Variants in DMXL1 observed in about 807,000 individuals in gnomAD.
The protein encoded by DMXL1 is dmX-like protein 1.
In DMXL1, 99 loss-of-function variants were observed where a neutral mutation model predicts 319.2. That is an observed-to-expected ratio of 0.31 (90% CI 0.26 to 0.37). DMXL1 has a LOEUF of 0.37. DMXL1 is among the 10% of genes least tolerant of loss of function. The pLI is 1.00. For synonymous variants in DMXL1, 1,385 were observed against 1,235.2 expected, an observed-to-expected ratio of 1.12 and a Z score of -2.54; for missense variants, 3,745 against 3,595.6, an observed-to-expected ratio of 1.04 and a Z score of -1.06.
In DMXL1 at chr5:119,189,788, C is replaced by G. The variant is rs1173420358; in HGVS notation, c.7216C>G (p.Leu2406Val). 4 of 1,614,052 alleles carry G rather than the reference C, an allele frequency of 2.5e-6. No individual in the cohort carries two copies. ...AATGTCTTGCAGAGAATCTGCCCCA[C>G]TGACCCCTTCCTCGGCACCAGTAAG... ...SKMSCRESAPLTPSSAPVSQE... is the reference protein window; with the variant it reads ...SKMSCRESAPVTPSSAPVSQE... Residue 2406 changes from leucine (L) to valine (V), a missense_variant, in exon 29 of 44, where the codon CTG (leucine) becomes GTG (valine). Coordinates refer to ENST00000539542, the MANE Select transcript of DMXL1 (RefSeq NM_001290321.3).
At position 119,133,604 on chromosome 5, in the gene DMXL1, G is replaced by T; in HGVS notation, c.1680G>T (p.Gln560His). The change falls in exon 12 of 44, where the codon CAG (glutamine) becomes CAT (histidine). Residue 560 changes from glutamine (Q) to histidine (H), a missense_variant. Physicochemically the swap from Gln to His is conservative, Grantham distance 24 (BLOSUM62 0). Coordinates refer to ENST00000539542, the MANE Select transcript of DMXL1 (RefSeq NM_001290321.3). ...ACTKNVDLAIQQGKQKPSGLT... is the reference protein window; with the variant it reads ...ACTKNVDLAIHQGKQKPSGLT... ...CCAAGAATGTTGACTTGGCTATTCA[G>T]CAGGGGAAACAAAAACCTTCTGGCC... 6.2e-7 allele frequency: 1 copy of T among 1,614,154 alleles called. No homozygotes were observed.
At chr5:119,175,825 T>C (rs573725653) in intron 26 of DMXL1, among the ~76,000 whole-genome samples, 78 of 152,236 alleles carry the variant, frequency 5.1e-4, no homozygotes, top group African/African-American at 1.4e-3. Context: ...TATTTCTCTT[T>C]ATGTTATAAA....
chr5:119,168,255 TAAG>T lies in DMXL1; in HGVS notation c.5398+394_5398+396del, dbSNP rs975368845. On this transcript the variant is annotated intron_variant, in intron 23 of 43. Coordinates refer to ENST00000539542, the MANE Select transcript of DMXL1 (RefSeq NM_001290321.3). ...AAACAAGTTGACTTAAGTGATGTGA[TAAG>T]AAAATCTTTAGCTAGATGAACTTTT... 3.3e-5 allele frequency among the ~76,000 whole-genome samples: 5 copies of T among 152,334 alleles called. No individual in the cohort carries two copies. The East Asian group carries it at 9.6e-4, about 29-fold the overall frequency.
chr5:119,164,250 AGC>A (rs1772931371), intron 19 of DMXL1, among the ~76,000 whole-genome samples: 1 of 152,204 alleles, frequency 6.6e-6, no homozygotes, highest in Non-Finnish European at 1.5e-5. Context: ...GAAATACATC[AGC>A]ACAGTGGAAT....
rs927703022 is a variant in DMXL1, at chr5:119,170,084, A to G, written c.5399-106A>G. The G allele has an allele frequency of 2.4e-6, 3 of 1,254,678 alleles. No homozygotes were observed. In the African/African-American group the frequency reaches 4.5e-5, roughly 19 times the overall value. The allele number at this position is 1,254,678 out of a possible 1,614,324, so 77.7% of individuals were successfully genotyped here. ...TGTGGCCTATTAGTAAAATTTTGTC[A>G]AAAGACTCTTTAGATAAAGGTGTCA... On this transcript the variant is annotated intron_variant, in intron 23 of 43. Coordinates refer to ENST00000539542, the MANE Select transcript of DMXL1 (RefSeq NM_001290321.3).
chr5:119,092,586 C>T (rs958013080), intron 1 of DMXL1, among the ~76,000 whole-genome samples: 2 of 152,164 alleles, frequency 1.3e-5, no homozygotes, highest in African/African-American at 4.8e-5. Context: ...TTACCACAAT[C>T]TGATTATAGA....
rs140821440 is a variant in DMXL1 at position 119,215,676 on chromosome 5, G to C, written c.7927-1225G>C. Among the ~76,000 whole-genome samples the C allele has an allele frequency of 5.3e-3, 812 of 152,158 alleles. 5 individuals carry two copies. Among genetic ancestry groups the C allele is most frequent in the African/African-American group, 0.018 (756 of 41,510 alleles). ...CACTGCATATTCTGATCCATTCTGT[G>C]GTCAATGGCCGGGCATTGGTGATAT... On this transcript the variant is annotated intron_variant, in intron 34 of 43. Coordinates refer to ENST00000539542, the MANE Select transcript of DMXL1 (RefSeq NM_001290321.3).
At chr5:119,193,692 A>G (rs933631987) in intron 29 of DMXL1, 136 bp from the exon 30 acceptor site, 34 of 857,864 alleles carry the variant, frequency 4.0e-5, no homozygotes, top group South Asian at 3.0e-4. Flanking sequence ...AAGGCATAGG[A>G]TGGTAAGATA....
chr5:119,236,354 GTCTA>G (rs1455958038), intron 39 of DMXL1: 2 of 151,942 alleles, frequency 1.3e-5, no homozygotes, highest in Non-Finnish European at 2.9e-5. Context: ...ATTTCTAGAT[GTCTA>G]TCCTACATAA....
intron 1 of DMXL1, among the ~76,000 whole-genome samples, chr5:119,091,964 T>C (rs1393917323): frequency 6.6e-6 from 1 of 152,198 alleles, no homozygotes; most frequent in East Asian, 1.9e-4. Flanking sequence ...ATGCTTCTTA[T>C]GGGTTAGGGC....
At chr5:119,078,264 G>A (rs1751434800) in intron 1 of DMXL1, among the ~76,000 whole-genome samples, 1 of 152,050 alleles carries the variant, frequency 6.6e-6, no homozygotes. Context: ...ACAAGCCTGT[G>A]CTGCTGCACC....
intron 30 of DMXL1, among the ~76,000 whole-genome samples, chr5:119,195,830 C>A (rs1561848405): frequency 1.3e-5 from 2 of 152,072 alleles, no homozygotes; most frequent in Non-Finnish European, 2.9e-5. Context: ...TTTTAAAAAT[C>A]AAACTATATA....
At chr5:119,162,234 C>T (rs112471816) in intron 19 of DMXL1, among the ~76,000 whole-genome samples, 1 of 152,270 alleles carries the variant, frequency 6.6e-6, no homozygotes, top group African/African-American at 2.4e-5. Context: ...CTGTGGTCCT[C>T]GCAGGTGTCT....
intron 1 of DMXL1, among the ~76,000 whole-genome samples, chr5:119,082,843 T>G (rs1239194021): frequency 6.6e-6 from 1 of 152,238 alleles, no homozygotes; most frequent in Admixed American, 6.5e-5. Flanking sequence ...TTAGTTCCAA[T>G]TATTCAACTT....
At chr5:119,196,286 G>T in intron 30 of DMXL1, 85 bp from the exon 31 acceptor site, 5 of 1,005,518 alleles carry the variant, frequency 5.0e-6, no homozygotes, top group Non-Finnish European at 7.9e-6. Flanking sequence ...ATTCCTGATA[G>T]TGGAATTTGT....
At chr5:119,162,080 G>A (rs6881087) in intron 19 of DMXL1, among the ~76,000 whole-genome samples, 4,774 of 152,250 alleles carry the variant, frequency 0.031, 271 homozygotes, top group African/African-American at 0.11. Flanking sequence ...ATGTCTGACC[G>A]TGGCTTTCTT....
chr5:119,205,215 A>G (rs116741925), intron 33 of DMXL1, among the ~76,000 whole-genome samples: 12 of 152,100 alleles, frequency 7.9e-5, no homozygotes, highest in Non-Finnish European at 1.3e-4. Flanking sequence ...TACTGCCGAT[A>G]TATTTGGGTA....
Position 119,216,789 on chromosome 5 carries a change from A to G in DMXL1, c.7927-112A>G, listed in dbSNP as rs991101825. The stretch of plus-strand genomic sequence containing the variant: ...ATACAATAATACCTTTAGAATTGAA[A>G]TATCTACTTTCTTAAAATAATTTAT... On this transcript the variant is annotated intron_variant, in intron 34 of 43. Coordinates refer to ENST00000539542, the MANE Select transcript of DMXL1 (RefSeq NM_001290321.3). The G allele has an allele frequency of 4.8e-5, 32 of 665,568 alleles. 1 individual carries two copies. Among genetic ancestry groups the G allele is most frequent in the South Asian group, 3.9e-4 (21 of 53,308 alleles). 41.2% of individuals were successfully genotyped at this position (665,568 alleles called of 1,614,324 possible).
chr5:119,127,892 A>G, intron 9 of DMXL1: 1 of 355,390 alleles, frequency 2.8e-6, no homozygotes, highest in South Asian at 2.5e-5. Flanking sequence ...AATAAGTGGG[A>G]ATGATATTCA....
Sources: allele counts gnomAD v4.1 joint callset (sites outside exome capture counted in the v4.1 genomes callset), GRCh38; gene constraint gnomAD v4.1.1; transcripts MANE v1.5; gene names NCBI Gene and HGNC (gene_info 2026-07-23, HGNC 2026-07-21).